Variants in ARHGAP45 observed in about 807,000 individuals in gnomAD.
ARHGAP45 encodes the protein Rho GTPase activating protein 45.
A neutral mutation model predicts 116.1 loss-of-function variants in ARHGAP45; 56 were observed. The ratio of observed to expected loss-of-function variants is 0.48; its 90% CI spans 0.39 to 0.60. The LOEUF is 0.60. Among genes scored for constraint, ARHGAP45 ranks in the 20% least tolerant of loss-of-function variants. ARHGAP45 has a pLI of 0.00. For missense variants in ARHGAP45, 1,622 were observed against 1,601.0 expected (o/e 1.01, Z -0.22); for synonymous variants, 866 against 701.7 (o/e 1.23, Z -3.70).
chr19:1,084,308 T>TCTACCCGCTGCAGGAGGCGGCGGC lies in ARHGAP45; in HGVS notation c.3027_3050dup (p.Tyr1010_Ala1017dup), dbSNP rs761847894. 6.8e-6 allele frequency: 11 copies of TCTACCCGCTGCAGGAGGCGGCGGC among 1,611,762 alleles called. No homozygotes were observed. The African/African-American group carries it at 1.5e-4, about 22-fold the overall frequency. On this transcript the variant is annotated inframe_insertion, in exon 22 of 23. Transcript: ENST00000313093. ...TACCTGGAGGCGGGCGAGGCGGTGG[T>TCTACCCGCTGCAGGAGGCGGCGGC]CTACCCGCTGCAGGAGGCGGCGGCG...
chr19:1,084,643 C>T (rs147785051), intron 22 of ARHGAP45, among the ~76,000 whole-genome samples: 494 of 152,302 alleles, frequency 3.2e-3, no homozygotes, highest in African/African-American at 0.011. Flanking sequence ...GGCTAAGTGC[C>T]TTTCCTGCAG....
At chr19:1,066,241 A>T, upstream of ARHGAP45, 195 of 594,460 alleles carry the variant, frequency 3.3e-4, no homozygotes, top group East Asian at 9.8e-4. Context: ...AGGGGACAGC[A>T]GGGAGACTTG....
At chr19:1,066,389 C>G, upstream of ARHGAP45, 1 of 569,620 alleles carries the variant, frequency 1.8e-6, no homozygotes, top group South Asian at 2.1e-5. Context: ...CTGCGTCCTG[C>G]TGCCCAGCAC....
rs1183943473 is a variant in ARHGAP45 at position 1,068,828 on chromosome 19, C to T, written c.421+84C>T. 6.0e-6 allele frequency: 8 copies of T among 1,337,778 alleles called. No homozygotes were observed. The South Asian group carries it at 8.9e-5, about 15-fold the overall frequency. 82.9% of individuals were successfully genotyped at this position (1,337,778 alleles called of 1,614,324 possible). On this transcript the variant is annotated intron_variant, in intron 2 of 22. Transcript: ENST00000313093. The surrounding 1 kb of genome is among the most constrained non-coding windows in gnomAD (Gnocchi z 7.5). The stretch of plus-strand genomic sequence containing the variant: ...ATGGAGGGAGGGACTTGGGGAGGCT[C>T]AGAAGGGAGGGAGGCTCAGATGGCA...
intron 2 of ARHGAP45, among the ~76,000 whole-genome samples, chr19:1,070,089 G>A (rs1009310025): frequency 4.6e-5 from 7 of 151,762 alleles, no homozygotes; most frequent in South Asian, 2.1e-4. Context: ...TTCCTCTCTC[G>A]GGTTCAAGTG....
intron 10 of ARHGAP45, 110 bp downstream of exon 10, chr19:1,074,989 C>T (rs1375504815): frequency 2.2e-6 from 2 of 898,760 alleles, no homozygotes; most frequent in Non-Finnish European, 2.9e-6. Context: ...CGCACACGCC[C>T]CGGCCTCCTG....
At position 1,074,155 on chromosome 19, in the gene ARHGAP45, G is replaced by A; in HGVS notation, c.842G>A (p.Gly281Asp). ...GTGCTGCTACAGCGCTGTGAGGGGG[G>A]CGTGGATGCCGCACTGCTGTATGCC... is the stretch of plus-strand genomic sequence containing the variant. ...VDVLLQRCEG[G>D]VDAALLYAKN... is the part of the protein sequence containing the mutation. Residue 281 changes from glycine (G) to aspartate (D), a missense_variant, in exon 7 of 23, where the codon GGC (glycine) becomes GAC (aspartate). Gly to Asp is a moderately conservative substitution (Grantham distance 94, BLOSUM62 -1). Coordinates refer to ENST00000313093, the MANE Select transcript of ARHGAP45 (RefSeq NM_012292.5). The A allele has an allele frequency of 6.2e-7, 1 of 1,613,450 alleles. No individual in the cohort carries two copies. Among genetic ancestry groups the A allele is most frequent in the Non-Finnish European group, 8.5e-7 (1 of 1,179,994 alleles).
At chr19:1,076,628 C>G (rs1185945516) in intron 10 of ARHGAP45, among the ~76,000 whole-genome samples, 2 of 151,444 alleles carry the variant, frequency 1.3e-5, no homozygotes, top group African/African-American at 4.9e-5. Flanking sequence ...TCCCAAGTAG[C>G]TGGGATTACA....
In ARHGAP45 at chr19:1,071,033, G is replaced by A. The variant is rs1252803841; in HGVS notation, c.422-2116G>A. Reference sequence around the variant, plus strand: ...GGACCCACATGGACGGTGCCACCCCGACACTTCCCGGGCTTCCTCGTTCCC... The same window carrying A: ...GGACCCACATGGACGGTGCCACCCCAACACTTCCCGGGCTTCCTCGTTCCC... On this transcript the variant is annotated intron_variant, in intron 2 of 22. Transcript: ENST00000313093. The surrounding 1 kb of genome is among the most constrained non-coding windows in gnomAD (Gnocchi z 4.6). Among the ~76,000 whole-genome samples, 1 of 152,210 alleles carries A rather than the reference G, an allele frequency of 6.6e-6. No individual in the cohort carries two copies. The highest frequency in any genetic ancestry group is 2.4e-5 in the African/African-American group (1 of 41,460).
intron 19 of ARHGAP45, among the ~76,000 whole-genome samples, chr19:1,082,236 G>C (rs896326807): frequency 7.3e-5 from 11 of 150,366 alleles, no homozygotes; most frequent in African/African-American, 2.4e-4. Flanking sequence ...GCACGTGGCA[G>C]GGGTGTGGCC....
chr19:1,066,992 C>T (rs2043044117), upstream of ARHGAP45, among the ~76,000 whole-genome samples: 1 of 152,206 alleles, frequency 6.6e-6, no homozygotes, highest in Admixed American at 6.5e-5. Flanking sequence ...TGCACGCCCA[C>T]TCGCGTCCGG....
At position 1,069,018 on chromosome 19, in the gene ARHGAP45, G is replaced by A. The variant is rs1036486064; in HGVS notation, c.421+274G>A. The stretch of plus-strand genomic sequence containing the variant: ...GGGAAAGGCAGAGGAAATGTCCCAT[G>A]CACAGGCTCAGAAACACGGAAACAG... On this transcript the variant is annotated intron_variant, in intron 2 of 22. Coordinates refer to ENST00000313093, the MANE Select transcript of ARHGAP45 (RefSeq NM_012292.5). This position sits in a 1 kb window ranked among gnomAD's most constrained non-coding sequence, Gnocchi z 4.1. 1.3e-5 allele frequency among the ~76,000 whole-genome samples: 2 copies of A among 152,158 alleles called. No individual in the cohort carries two copies. The highest frequency in any genetic ancestry group is 6.6e-5 in the Admixed American group (1 of 15,266).
chr19:1,074,379 A>T lies in ARHGAP45; in HGVS notation c.965A>T (p.His322Leu). The change falls in exon 8 of 23, where the codon CAC becomes CTC. Residue 322 changes from histidine to leucine, a missense_variant. Physicochemically the swap from His to Leu is moderately conservative, Grantham distance 99. This residue lies in a region of ARHGAP45 where 1,334 missense variants were observed against 1,263.8 expected (regional missense o/e 1.06). Transcript: ENST00000313093. Reference sequence around the variant, plus strand: ...GCCAAGGGCCTGCAGAAGATCGCTCACAACTGCAGACAGAGCGTCATGCAG... The same window carrying T: ...GCCAAGGGCCTGCAGAAGATCGCTCTCAACTGCAGACAGAGCGTCATGCAG... ...EFAKGLQKIA[H>L]NCRQSVMQEP... The T allele has an allele frequency of 6.3e-7, 1 of 1,592,134 alleles. No homozygotes were observed. The highest frequency in any genetic ancestry group is 2.3e-5 in the East Asian group (1 of 44,378).
chr19:1,084,891 G>A (rs1044766916), intron 22 of ARHGAP45, among the ~76,000 whole-genome samples: 1 of 152,192 alleles, frequency 6.6e-6, no homozygotes, highest in Admixed American at 6.6e-5. Context: ...AGACCAGCCT[G>A]ACCAACATGG....
intron 2 of ARHGAP45, among the ~76,000 whole-genome samples, chr19:1,072,937 G>A (rs577443435): frequency 4.6e-4 from 70 of 152,312 alleles, no homozygotes; most frequent in African/African-American, 1.6e-3. Context: ...AGAGTGCCTA[G>A]GCCAACGTCT....
intron 19 of ARHGAP45, 73 bp from the exon 20 acceptor site, chr19:1,082,749 GTGGGGGTGGGGCTGAGGC>G: frequency 2.6e-6 from 3 of 1,153,740 alleles, no homozygotes; most frequent in Non-Finnish European, 3.6e-6. Flanking sequence ...CCAGTGCTCT[GTGGGGGTGGGGCTGAGGC>G]TGGGGGCGTG....
In ARHGAP45 at chr19:1,080,036, G is replaced by A. The variant is rs1055932252; in HGVS notation, c.1621G>A (p.Ala541Thr). 13 of 1,612,706 alleles carry A rather than the reference G, an allele frequency of 8.1e-6. No individual in the cohort carries two copies. Among genetic ancestry groups the A allele is most frequent in the Non-Finnish European group, 1.1e-5 (13 of 1,179,912 alleles). Residue 541 changes from alanine (A) to threonine (T), a missense_variant, in exon 13 of 23, where the codon GCC becomes ACC. Ala to Thr is a moderately conservative substitution (Grantham distance 58). Coordinates refer to ENST00000313093, the MANE Select transcript of ARHGAP45 (RefSeq NM_012292.5). ...SKLYDPGQQYASHVRQLQRDQ... is the reference protein window; with the variant it reads ...SKLYDPGQQYTSHVRQLQRDQ... ...GCTGTATGACCCAGGCCAGCAGTAC[G>A]CCTCCCACGTGCGCCAGCTGCAGCG...
rs186048210 is a variant in ARHGAP45, at chr19:1,085,895, C to T, written c.3300C>T (p.Phe1100=). The T allele has an allele frequency of 5.6e-6, 9 of 1,612,904 alleles. No homozygotes were observed. In the Admixed American group the frequency reaches 1.2e-4, roughly 21 times the overall value. Residue 1100 remains phenylalanine, a synonymous_variant, in exon 23 of 23, where the codon TTC becomes TTT. Transcript: ENST00000313093. ...EDGPAQQLSG[F]NTNQSNNVLQ... is the part of the protein sequence containing the mutation. ...GCCCGGCCCAGCAGCTCTCAGGATTCAACACCAACCAGTCCAACAACGTGC... is the reference window on the plus strand; with the variant it reads ...GCCCGGCCCAGCAGCTCTCAGGATTTAACACCAACCAGTCCAACAACGTGC...
At chr19:1,084,805 G>A (rs1300095398) in intron 22 of ARHGAP45, among the ~76,000 whole-genome samples, 1 of 152,158 alleles carries the variant, frequency 6.6e-6, no homozygotes, top group Non-Finnish European at 1.5e-5. Flanking sequence ...AATACCTGAG[G>A]CTGGGCACGG....
Sources: allele counts gnomAD v4.1 joint callset (sites outside exome capture counted in the v4.1 genomes callset), GRCh38; gene constraint gnomAD v4.1.1; regional missense constraint gnomAD v4.1.1; non-coding constraint Gnocchi (gnomAD v3.1); transcripts MANE v1.5; gene names NCBI Gene and HGNC (gene_info 2026-07-23, HGNC 2026-07-21).